Variants in SP140 observed in about 807,000 individuals in gnomAD.
SP140 encodes SP140 nuclear body protein.
A neutral mutation model predicts 125.0 loss-of-function variants in SP140; 81 were observed. That is an observed-to-expected ratio of 0.65 (90% confidence interval 0.54 to 0.78). The LOEUF is 0.78. Among genes scored for constraint, SP140 ranks in the 30% least tolerant of loss-of-function variants. The pLI, the probability that SP140 is intolerant of heterozygous loss-of-function variation, is 0.00. For missense variants in SP140, 858 were observed against 1,037.0 expected, an observed-to-expected ratio of 0.83 and a Z score of 2.37; for synonymous variants, 312 against 354.0, an observed-to-expected ratio of 0.88 and a Z score of 1.33.
At chr2:230,222,578 A>G (rs116423262), upstream of SP140, among the ~76,000 whole-genome samples, 616 of 151,980 alleles carry the variant, frequency 4.1e-3, 1 homozygote, top group Non-Finnish European at 6.7e-3. Context: ...TTTTAAATTA[A>G]TTGGGCATGT....
intron 1 of SP140, among the ~76,000 whole-genome samples, chr2:230,235,868 GTTTTTTTTTT>G (rs984054259): frequency 1.3e-5 from 1 of 77,974 alleles, no homozygotes. Context: ...TCTTGTGACT[GTTTTTTTTTT>G]TTTTTTTTTT....
At chr2:230,203,807 T>C (rs1164927821) in intron 1 of SP140, 1 of 152,240 alleles carries the variant, frequency 6.6e-6, no homozygotes, top group Non-Finnish European at 1.5e-5. Flanking sequence ...TAAAATAATA[T>C]GACTCTTAAA....
At chr2:230,305,907 G>A (rs1290575130) in intron 22 of SP140, among the ~76,000 whole-genome samples, 1 of 152,250 alleles carries the variant, frequency 6.6e-6, no homozygotes, top group Non-Finnish European at 1.5e-5. Context: ...TGAGACTGGG[G>A]AGGCAATCCG....
At chr2:230,261,985 G>T (rs1425913122) in intron 12 of SP140, among the ~76,000 whole-genome samples, 1 of 152,078 alleles carries the variant, frequency 6.6e-6, no homozygotes, top group Non-Finnish European at 1.5e-5. Flanking sequence ...ATTAGGGAGG[G>T]TTCCTTCTTT....
intron 16 of SP140, 89 bp from the exon 17 acceptor site, chr2:230,285,662 AC>A: frequency 9.2e-7 from 1 of 1,090,098 alleles, no homozygotes; most frequent in South Asian, 1.3e-5. Flanking sequence ...CCAGAATGAG[AC>A]CCAGGACTCC....
intron 18 of SP140, among the ~76,000 whole-genome samples, chr2:230,289,879 C>T (rs2056917106): frequency 6.6e-6 from 1 of 152,174 alleles, no homozygotes; most frequent in Non-Finnish European, 1.5e-5. Flanking sequence ...AGTCCCCCAC[C>T]TGCAACCCCA....
At chr2:230,239,108 G>A in intron 3 of SP140, 1 of 1,208,826 alleles carries the variant, frequency 8.3e-7, no homozygotes, top group Non-Finnish European at 1.1e-6. Flanking sequence ...AGAATGGGAT[G>A]TGTTGATTTG....
chr2:230,233,569 G>A (rs1209461615), intron 1 of SP140, among the ~76,000 whole-genome samples: 5 of 151,878 alleles, frequency 3.3e-5, no homozygotes, highest in Admixed American at 6.6e-5. Context: ...TTTGTTTATT[G>A]GGTTATATCT....
intron 15 of SP140, among the ~76,000 whole-genome samples, chr2:230,282,917 C>G (rs1397950057): frequency 6.6e-6 from 1 of 152,200 alleles, no homozygotes; most frequent in African/African-American, 2.4e-5. Context: ...TCTGTTTATC[C>G]TTGATTTGTT....
chr2:230,297,478 G>A lies in SP140; in HGVS notation c.2058+16G>A, dbSNP rs368066890. 3 of 1,613,376 alleles carry A rather than the reference G, an allele frequency of 1.9e-6. No individual in the cohort carries two copies. In the East Asian group the frequency reaches 6.7e-5, roughly 36 times the overall value. ...TGACCCTTGTGTAAGTACAAATTCTGAACTACGACCCCCAGAATATTCCAC... is the reference window on the plus strand; with the variant it reads ...TGACCCTTGTGTAAGTACAAATTCTAAACTACGACCCCCAGAATATTCCAC... On this transcript the variant is annotated intron_variant, in intron 22 of 26. Coordinates refer to ENST00000392045, the MANE Select transcript of SP140 (RefSeq NM_007237.5).
At chr2:230,313,948 G>C (rs2059461944), downstream of SP140, among the ~76,000 whole-genome samples, 1 of 152,216 alleles carries the variant, frequency 6.6e-6, no homozygotes. Context: ...GTCCTGAAAA[G>C]AGTAAATGAC....
At chr2:230,294,415 T>C in intron 21 of SP140, 97 bp downstream of exon 21, 1 of 922,566 alleles carries the variant, frequency 1.1e-6, no homozygotes, top group Non-Finnish European at 1.7e-6. Flanking sequence ...GTAGGAATAA[T>C]TAAGCTTTCA....
chr2:230,299,472 T>C (rs750248184), intron 22 of SP140, among the ~76,000 whole-genome samples: 1 of 152,178 alleles, frequency 6.6e-6, no homozygotes, highest in African/African-American at 2.4e-5. Context: ...GGGAAGCCAT[T>C]TCTGACTTTA....
At chr2:230,292,940 A>T in intron 20 of SP140, 152 bp downstream of exon 20, 1 of 1,154,442 alleles carries the variant, frequency 8.7e-7, no homozygotes, top group South Asian at 1.5e-5. Flanking sequence ...CCCCACATTC[A>T]TAACCACACT....
chr2:230,205,994 G>C (rs771123667), intron 1 of SP140, among the ~76,000 whole-genome samples: 40 of 152,126 alleles, frequency 2.6e-4, no homozygotes, highest in Non-Finnish European at 5.4e-4. Context: ...TAAGTAGAAT[G>C]GGGGAGAAAG....
intron 18 of SP140, 86 bp downstream of exon 18, chr2:230,288,052 T>C (rs2056620524): frequency 8.7e-7 from 1 of 1,149,800 alleles, no homozygotes; most frequent in African/African-American, 1.6e-5. Flanking sequence ...ATAAACCCAT[T>C]TCCTTAATTG....
intron 15 of SP140, among the ~76,000 whole-genome samples, chr2:230,273,840 T>C (rs1483685293): frequency 3.3e-5 from 5 of 152,088 alleles, no homozygotes; most frequent in African/African-American, 1.2e-4. Context: ...AGCAAACTAA[T>C]GCAGGAACAG....
chr2:230,280,271 C>T (rs1339782514), intron 15 of SP140, among the ~76,000 whole-genome samples: 1 of 152,130 alleles, frequency 6.6e-6, no homozygotes, highest in African/African-American at 2.4e-5. Flanking sequence ...TCTGCTTTAT[C>T]CCTGTTAATG....
At chr2:230,228,972 CT>C (rs1245966734) in intron 1 of SP140, among the ~76,000 whole-genome samples, 1 of 151,838 alleles carries the variant, frequency 6.6e-6, no homozygotes, top group Non-Finnish European at 1.5e-5. Context: ...TCTTTTCTTC[CT>C]TTTTTCCTGC....
Sources: allele counts gnomAD v4.1 joint callset (sites outside exome capture counted in the v4.1 genomes callset), GRCh38; gene constraint gnomAD v4.1.1; transcripts MANE v1.5; gene names NCBI Gene and HGNC (gene_info 2026-07-23, HGNC 2026-07-21).